COP1: variants seen among roughly 807,000 people sequenced by gnomAD.
The protein encoded by COP1 is COP1 E3 ubiquitin ligase.
COP1 carries 24 observed loss-of-function variants against 101.3 expected under a neutral mutation model. That is an observed-to-expected ratio of 0.24 (90% CI 0.17 to 0.33). The LOEUF (loss-of-function observed/expected upper bound fraction) is 0.33. COP1 is among the 10% of genes least tolerant of loss of function. COP1 has a pLI of 1.00. For missense variants in COP1, 663 were observed against 906.2 expected (o/e 0.73, Z 3.45); for synonymous variants, 347 against 341.9 (o/e 1.01, Z -0.17).
intron 3 of COP1, among the ~76,000 whole-genome samples, chr1:176,173,230 G>A (rs758084454): frequency 6.0e-5 from 9 of 149,232 alleles, no homozygotes; most frequent in Non-Finnish European, 1.2e-4. Flanking sequence ...AGAATCATGT[G>A]AGCCCAGGAG....
chr1:176,005,122 T>C (rs996757296), intron 15 of COP1, among the ~76,000 whole-genome samples: 6 of 152,300 alleles, frequency 3.9e-5, no homozygotes, highest in Admixed American at 3.3e-4. Flanking sequence ...ATTTCTAGAT[T>C]TTCTAGTTTA....
At chr1:176,095,271 A>C (rs928133810) in intron 9 of COP1, among the ~76,000 whole-genome samples, 6 of 152,236 alleles carry the variant, frequency 3.9e-5, no homozygotes, top group Admixed American at 3.9e-4. Flanking sequence ...AGAGTTACAG[A>C]ATTTAGAATA....
intron 9 of COP1, among the ~76,000 whole-genome samples, chr1:176,101,635 C>A (rs542980826): frequency 6.6e-6 from 1 of 152,306 alleles, no homozygotes; most frequent in East Asian, 1.9e-4. Flanking sequence ...CGGGCTTCTG[C>A]CCCCATCTCC....
At chr1:176,034,010 C>A (rs1282153947) in intron 14 of COP1, among the ~76,000 whole-genome samples, 5 of 152,038 alleles carry the variant, frequency 3.3e-5, no homozygotes, top group Non-Finnish European at 5.9e-5. Context: ...GGCTTAAAAG[C>A]ATTTGAGACT....
At chr1:176,193,787 G>A (rs896521353) in intron 1 of COP1, among the ~76,000 whole-genome samples, 2 of 152,134 alleles carry the variant, frequency 1.3e-5, no homozygotes, top group Non-Finnish European at 2.9e-5. Flanking sequence ...ATTAGTGATT[G>A]TAAGGGAAGA....
intron 3 of COP1, among the ~76,000 whole-genome samples, chr1:176,172,850 AC>A (rs2101884643): frequency 6.6e-6 from 1 of 152,290 alleles, no homozygotes; most frequent in South Asian, 2.1e-4. Flanking sequence ...CTAGTGTAAG[AC>A]CTTAGGATTT....
At chr1:176,098,015 G>A (rs1483920869) in intron 9 of COP1, among the ~76,000 whole-genome samples, 1 of 152,072 alleles carries the variant, frequency 6.6e-6, no homozygotes, top group Non-Finnish European at 1.5e-5. Flanking sequence ...CAGCCTTAAA[G>A]ATTATTGGTA....
intron 12 of COP1, among the ~76,000 whole-genome samples, chr1:176,045,580 G>GATAAAAAA: frequency 8.2e-6 from 1 of 121,304 alleles, no homozygotes. Flanking sequence ...TTGTTTAGAA[G>GATAAAAAA]GAAAAAAAAA....
chr1:176,093,075 T>C (rs1029929613), intron 9 of COP1, among the ~76,000 whole-genome samples: 2 of 152,214 alleles, frequency 1.3e-5, no homozygotes, highest in Admixed American at 6.5e-5. Context: ...CTTACTATAA[T>C]ATTTTTATAA....
chr1:176,035,709 C>CCAAAAAAAAAAAAAAAAAAAAA (rs1669386408), intron 14 of COP1, among the ~76,000 whole-genome samples: 1 of 27,672 alleles, frequency 3.6e-5, no homozygotes, highest in Non-Finnish European at 9.1e-5. Context: ...TAAAACGAGA[C>CCAAAAAAAAAAAAAAAAAAAAA]CAAAAAAAAA....
intron 18 of COP1, chr1:175,968,619 A>G (rs2148586360): frequency 2.4e-6 from 1 of 419,974 alleles, no homozygotes. Context: ...TCAAATTCTC[A>G]TTTAAATATA....
At chr1:176,116,101 G>A (rs1023160372) in intron 9 of COP1, among the ~76,000 whole-genome samples, 7 of 152,118 alleles carry the variant, frequency 4.6e-5, no homozygotes, top group African/African-American at 1.7e-4. Context: ...AAAACTGCCA[G>A]GGATAGTGAT....
At chr1:176,205,848 T>C (rs1055003380) in intron 1 of COP1, among the ~76,000 whole-genome samples, 2 of 152,208 alleles carry the variant, frequency 1.3e-5, no homozygotes, top group Admixed American at 1.3e-4. Flanking sequence ...TTATCCAGTA[T>C]AGTACAGTTA....
intron 11 of COP1, among the ~76,000 whole-genome samples, chr1:176,067,706 G>C (rs1047682449): frequency 1.8e-4 from 28 of 152,300 alleles, no homozygotes; most frequent in African/African-American, 6.3e-4. Flanking sequence ...GGTACACCAA[G>C]ACAAGAACCC....
chr1:176,019,820 C>A (rs546276869), intron 15 of COP1, among the ~76,000 whole-genome samples: 4 of 152,032 alleles, frequency 2.6e-5, no homozygotes, highest in Admixed American at 2.6e-4. Flanking sequence ...AAGACCACAC[C>A]ACTGCATTGC....
At chr1:176,150,299 T>C (rs1692210298) in intron 5 of COP1, among the ~76,000 whole-genome samples, 1 of 152,188 alleles carries the variant, frequency 6.6e-6, no homozygotes, top group South Asian at 2.1e-4. Flanking sequence ...AAATATGAAC[T>C]GATAATCACA....
rs61396666 is a variant in COP1, at chr1:176,169,965, T to C, written c.565+5945A>G. ...AAATTCTTTGATGTCATTTCAACAA[T>C]GTTCACAGCATCTTCACTAGGAGTA... On this transcript the variant is annotated intron_variant, in intron 3 of 19. Coordinates refer to ENST00000367669, the MANE Select transcript of COP1 (RefSeq NM_022457.7). 8.7e-3 allele frequency among the ~76,000 whole-genome samples: 1,330 copies of C among 152,374 alleles called. 18 individuals are homozygous for C. Among genetic ancestry groups the C allele is most frequent in the African/African-American group, 0.03 (1,267 of 41,578 alleles).
At position 176,206,982 on chromosome 1, in the gene COP1, G is replaced by A; in HGVS notation, c.-4C>T. 2.2e-6 allele frequency: 3 copies of A among 1,381,628 alleles called. No individual in the cohort carries two copies. The highest frequency in any genetic ancestry group is 2.8e-6 in the Non-Finnish European group (3 of 1,071,638). The allele number at this position is 1,381,628 out of a possible 1,614,324, so 85.6% of individuals were successfully genotyped here. On this transcript the variant is annotated 5_prime_UTR_variant, in exon 1 of 20. Transcript: ENST00000367669. ...CGGCCTGGCGGCTACCAGACATCGTGACTCCCTCCCCTCCAGCCGGGCGCT... is the reference window on the plus strand; with the variant it reads ...CGGCCTGGCGGCTACCAGACATCGTAACTCCCTCCCCTCCAGCCGGGCGCT...
At chr1:176,109,725 A>T (rs1472841340) in intron 9 of COP1, among the ~76,000 whole-genome samples, 2 of 152,156 alleles carry the variant, frequency 1.3e-5, no homozygotes, top group East Asian at 3.8e-4. Flanking sequence ...TTAAAATTAC[A>T]TGTCATTAAG....
Sources: allele counts gnomAD v4.1 joint callset (sites outside exome capture counted in the v4.1 genomes callset), GRCh38; gene constraint gnomAD v4.1.1; transcripts MANE v1.5; gene names NCBI Gene and HGNC (gene_info 2026-07-23, HGNC 2026-07-21).